TSHZ2: variants seen among roughly 807,000 people sequenced by gnomAD.
TSHZ2 encodes teashirt homolog 2.
A neutral mutation model predicts 74.4 loss-of-function variants in TSHZ2; 21 were observed. The ratio of observed to expected loss-of-function variants is 0.28; its 90% CI spans 0.20 to 0.41. The LOEUF is 0.41. TSHZ2 is among the 10% of genes least tolerant of loss of function. TSHZ2 has a pLI of 1.00. For synonymous variants in TSHZ2, 540 were observed against 515.3 expected, an observed-to-expected ratio of 1.05 and a Z score of -0.65; for missense variants, 1,244 against 1,293.5, an observed-to-expected ratio of 0.96 and a Z score of 0.59.
At chr20:53,072,314 A>T (rs1344835474) in intron 1 of TSHZ2, among the ~76,000 whole-genome samples, 1 of 152,226 alleles carries the variant, frequency 6.6e-6, no homozygotes, top group Non-Finnish European at 1.5e-5. Context: ...TACAAATACA[A>T]GTGCAAAGAG....
At chr20:53,084,375 G>A (rs1985626679) in intron 1 of TSHZ2, among the ~76,000 whole-genome samples, 1 of 152,144 alleles carries the variant, frequency 6.6e-6, no homozygotes, top group Non-Finnish European at 1.5e-5. Flanking sequence ...TTTCCACTAA[G>A]ATTTTTCACT....
At chr20:52,974,862 G>A (rs899229722) in intron 1 of TSHZ2, among the ~76,000 whole-genome samples, 4 of 152,198 alleles carry the variant, frequency 2.6e-5, no homozygotes, top group South Asian at 2.1e-4. Context: ...TTGATAAAGC[G>A]TGGATTCATA....
chr20:53,023,551 A>C (rs943835765), intron 1 of TSHZ2, among the ~76,000 whole-genome samples: 1 of 152,110 alleles, frequency 6.6e-6, no homozygotes, highest in African/African-American at 2.4e-5. Context: ...GATGTGACAG[A>C]GGCGTTAATA....
chr20:53,173,788 G>A (rs1988259373), intron 1 of TSHZ2, among the ~76,000 whole-genome samples: 1 of 152,100 alleles, frequency 6.6e-6, no homozygotes, highest in African/African-American at 2.4e-5. Context: ...ATCATGTTCT[G>A]GAAAGATATG....
intron 1 of TSHZ2, among the ~76,000 whole-genome samples, chr20:53,099,285 A>C (rs1377442027): frequency 2.0e-5 from 3 of 152,204 alleles, no homozygotes; most frequent in African/African-American, 7.2e-5. Flanking sequence ...TCAATTTAAT[A>C]GTAAAAGTCA....
chr20:53,048,589 CGGGCGT>C (rs912065986), intron 1 of TSHZ2, among the ~76,000 whole-genome samples: 5 of 152,290 alleles, frequency 3.3e-5, no homozygotes, highest in African/African-American at 1.2e-4. Context: ...TTTGATTTGC[CGGGCGT>C]GGGCAGCAGG....
At chr20:53,299,017 A>G (rs1286316849) in intron 2 of TSHZ2, among the ~76,000 whole-genome samples, 8 of 152,114 alleles carry the variant, frequency 5.3e-5, no homozygotes, top group Non-Finnish European at 4.4e-5. Context: ...GCTCCTGTGA[A>G]TTTCACAATC....
At chr20:53,090,660 C>G (rs1985856876) in intron 1 of TSHZ2, among the ~76,000 whole-genome samples, 1 of 152,154 alleles carries the variant, frequency 6.6e-6, no homozygotes. Flanking sequence ...GGTCTCCGAG[C>G]CCACAAGCCC....
chr20:53,415,816 A>C (rs958456821), intron 2 of TSHZ2, among the ~76,000 whole-genome samples: 1 of 73,232 alleles, frequency 1.4e-5, no homozygotes, highest in Non-Finnish European at 2.8e-5. Flanking sequence ...ACACACACAC[A>C]CACACGCACA....
intron 1 of TSHZ2, among the ~76,000 whole-genome samples, chr20:53,155,201 GTAT>G (rs1171527940): frequency 6.6e-6 from 1 of 151,756 alleles, no homozygotes. Flanking sequence ...TCCCTATGAA[GTAT>G]TATTGTATCA....
At chr20:53,224,696 A>G (rs2123651888) in intron 1 of TSHZ2, among the ~76,000 whole-genome samples, 1 of 152,082 alleles carries the variant, frequency 6.6e-6, no homozygotes, top group Admixed American at 6.6e-5. Context: ...CTAAAAATAC[A>G]AAAATTAGCT....
chr20:53,166,372 C>G (rs1242125305), intron 1 of TSHZ2, among the ~76,000 whole-genome samples: 2 of 152,132 alleles, frequency 1.3e-5, no homozygotes, highest in Non-Finnish European at 2.9e-5. Context: ...AATCCCAACA[C>G]TCTGGAAGGC....
chr20:53,396,420 G>C (rs1327946979), intron 2 of TSHZ2, among the ~76,000 whole-genome samples: 1 of 152,194 alleles, frequency 6.6e-6, no homozygotes, highest in Non-Finnish European at 1.5e-5. Context: ...AGTGGAGGAA[G>C]TTAAGTAACT....
chr20:53,489,547 G>T lies in TSHZ2; in HGVS notation c.*2412G>T. The T allele has an allele frequency of 5.0e-6, 1 of 201,282 alleles. No homozygotes were observed. The highest frequency in any genetic ancestry group is 1.0e-5 in the Non-Finnish European group (1 of 97,560). The allele number at this position is 201,282 out of a possible 1,614,324, so 12.5% of individuals were successfully genotyped here. A position where few individuals can be genotyped will look rare whatever the true frequency, so the allele number is the denominator to read the frequency against. ...TTCTCGAGCCCTTGCTCCAATGGGGGGAGGAGATCAATACAATTCCCAATT... is the reference window on the plus strand; with the variant it reads ...TTCTCGAGCCCTTGCTCCAATGGGGTGAGGAGATCAATACAATTCCCAATT... On this transcript the variant is annotated 3_prime_UTR_variant, in exon 3 of 3. Coordinates refer to ENST00000371497, the MANE Select transcript of TSHZ2 (RefSeq NM_173485.6).
At chr20:53,220,657 A>C (rs1989533266) in intron 1 of TSHZ2, among the ~76,000 whole-genome samples, 1 of 152,274 alleles carries the variant, frequency 6.6e-6, no homozygotes, top group South Asian at 2.1e-4. Context: ...AATGTCTACT[A>C]TGTGGTCCTT....
At chr20:53,025,782 C>T (rs1166304528) in intron 1 of TSHZ2, among the ~76,000 whole-genome samples, 1 of 152,172 alleles carries the variant, frequency 6.6e-6, no homozygotes, top group Non-Finnish European at 1.5e-5. Flanking sequence ...GCACACAGGC[C>T]CCCAAAGGGA....
chr20:53,470,588 G>A (rs1418384806), intron 2 of TSHZ2, among the ~76,000 whole-genome samples: 1 of 152,080 alleles, frequency 6.6e-6, no homozygotes, highest in African/African-American at 2.4e-5. Flanking sequence ...GGCCGGGGTG[G>A]GCAGATCACT....
At chr20:53,276,692 A>G (rs889870906) in intron 2 of TSHZ2, among the ~76,000 whole-genome samples, 1 of 152,192 alleles carries the variant, frequency 6.6e-6, no homozygotes, top group Non-Finnish European at 1.5e-5. Flanking sequence ...AACCCAAAGG[A>G]CTGAGCGCCA....
chr20:53,113,324 T>C (rs915391596), intron 1 of TSHZ2, among the ~76,000 whole-genome samples: 2 of 152,218 alleles, frequency 1.3e-5, no homozygotes, highest in Non-Finnish European at 2.9e-5. Flanking sequence ...CTAGAATTTG[T>C]TTGTTTGTTC....
Sources: gnomAD v4.1 joint callset for allele counts (sites outside exome capture counted in the v4.1 genomes callset) on GRCh38, gnomAD v4.1.1 for gene constraint, MANE v1.5 for transcripts, NCBI Gene and HGNC (gene_info 2026-07-23, HGNC 2026-07-21) for gene names.